The following CACNA1B variants were observed in gnomAD, a reference collection of about 807,000 sequenced individuals.
The protein encoded by CACNA1B is calcium voltage-gated channel subunit alpha1 B.
In CACNA1B, 70 loss-of-function variants were observed where a neutral mutation model predicts 247.2. That is an observed-to-expected ratio of 0.28 (90% CI 0.23 to 0.35). The LOEUF is 0.35. CACNA1B is among the 10% of genes least tolerant of loss of function. CACNA1B has a pLI of 1.00. For synonymous variants in CACNA1B, 1,231 were observed against 1,294.4 expected, an observed-to-expected ratio of 0.95 and a Z score of 1.05; for missense variants, 2,367 against 3,197.4, an observed-to-expected ratio of 0.74 and a Z score of 6.26.
Position 137,880,088 on chromosome 9 carries a change from A to G in CACNA1B, c.390+929A>G, listed in dbSNP as rs1185166723. 6.6e-6 allele frequency among the ~76,000 whole-genome samples: 1 copy of G among 152,210 alleles called. No homozygotes were observed. Among genetic ancestry groups the G allele is most frequent in the African/African-American group, 2.4e-5 (1 of 41,456 alleles). On this transcript the variant is annotated intron_variant, in intron 2 of 46. Coordinates refer to ENST00000371372, the MANE Select transcript of CACNA1B (RefSeq NM_000718.4). This position sits in a 1 kb window ranked among gnomAD's most constrained non-coding sequence, Gnocchi z 4.8. ...CTTAAGCCTGGCTTCCGCCCCCACT[A>G]GCATCCTGAGACAAGAGCTATTCAG...
intron 3 of CACNA1B, among the ~76,000 whole-genome samples, chr9:137,908,380 G>C (rs1430295544): frequency 3.3e-5 from 5 of 151,912 alleles, no homozygotes; most frequent in Admixed American, 3.3e-4. Context: ...GCCAGGTATG[G>C]TGGCGAGTGC....
In CACNA1B at chr9:137,914,911, A is replaced by G. The variant is rs1957393853; in HGVS notation, c.775+105A>G. 11 of 1,269,454 alleles carry G rather than the reference A, an allele frequency of 8.7e-6. No homozygotes were observed. The highest frequency in any genetic ancestry group is 1.1e-5 in the Non-Finnish European group (10 of 928,040). 78.6% of individuals were successfully genotyped at this position (1,269,454 alleles called of 1,614,324 possible). On this transcript the variant is annotated intron_variant, in intron 5 of 46. Transcript: ENST00000371372. The surrounding 1 kb of genome is among the most constrained non-coding windows in gnomAD (Gnocchi z 4.3). ...TAGAGGGGCCTTCTTGGTGCCAGAT[A>G]CATGAGGTGGAGCTGACATTCTAGT...
intron 6 of CACNA1B, among the ~76,000 whole-genome samples, chr9:137,938,067 A>G (rs1268922027): frequency 2.6e-5 from 4 of 152,032 alleles, no homozygotes; most frequent in Non-Finnish European, 4.4e-5. Context: ...AGATTTCCCA[A>G]CAGAAACACT....
Position 137,974,004 on chromosome 9 carries a change from C to T in CACNA1B, c.1544-1903C>T, listed in dbSNP as rs111983604. ...GTGCCAGCAGTCCCATCTCTGGGGC[C>T]TCTCCTCCCTGGGTCCGAGCCCCTC... On this transcript the variant is annotated intron_variant, in intron 11 of 46. Coordinates refer to ENST00000371372, the MANE Select transcript of CACNA1B (RefSeq NM_000718.4). This position sits in a 1 kb window ranked among gnomAD's most constrained non-coding sequence, Gnocchi z 4.5. Among the ~76,000 whole-genome samples, 1 of 152,200 alleles carries T rather than the reference C, an allele frequency of 6.6e-6. No individual in the cohort carries two copies. The highest frequency in any genetic ancestry group is 2.4e-5 in the African/African-American group (1 of 41,438).
intron 15 of CACNA1B, among the ~76,000 whole-genome samples, chr9:138,002,544 CA>C (rs554684903): frequency 0.011 from 1,055 of 97,050 alleles, 4 homozygotes; most frequent in South Asian, 0.025. Flanking sequence ...AGCCCATATC[CA>C]AAAAAAAAAA....
intron 6 of CACNA1B, among the ~76,000 whole-genome samples, chr9:137,936,110 G>C (rs2133311421): frequency 6.6e-6 from 1 of 152,316 alleles, no homozygotes; most frequent in Admixed American, 6.5e-5. Flanking sequence ...GCCCGCCTCG[G>C]CCTCCCAAAG....
At position 137,881,405 on chromosome 9, in the gene CACNA1B, C is replaced by T. The variant is rs769481977; in HGVS notation, c.391-1339C>T. On this transcript the variant is annotated intron_variant, in intron 2 of 46. Transcript: ENST00000371372. This position sits in a 1 kb window ranked among gnomAD's most constrained non-coding sequence, Gnocchi z 4.3. ...ATGCGGAGAGCCCTCGAGAGCCTGG[C>T]TTCCTGGGGAGGAAGGCACAGGCTG... Among the ~76,000 whole-genome samples, 3 of 152,198 alleles carry T rather than the reference C, an allele frequency of 2.0e-5. No individual in the cohort carries two copies. Among genetic ancestry groups the T allele is most frequent in the Non-Finnish European group, 4.4e-5 (3 of 68,024 alleles).
chr9:138,017,897 T>TCAGGTGCCCTGATGGAAGTGGC (rs1958813182), intron 18 of CACNA1B, among the ~76,000 whole-genome samples: 1 of 148,212 alleles, frequency 6.7e-6, no homozygotes, highest in Non-Finnish European at 1.5e-5. Context: ...CCTGAAGTGG[T>TCAGGTGCCCTGATGGAAGTGGC]CAGGTGCAGT....
At chr9:138,081,152 A>G (rs1258926193) in intron 36 of CACNA1B, among the ~76,000 whole-genome samples, 4 of 152,170 alleles carry the variant, frequency 2.6e-5, no homozygotes, top group African/African-American at 4.8e-5. Flanking sequence ...TGACCTTACC[A>G]TGCACCTGGC....
chr9:138,060,891 C>G (rs1021646687), intron 31 of CACNA1B, among the ~76,000 whole-genome samples: 2 of 152,180 alleles, frequency 1.3e-5, no homozygotes, highest in Non-Finnish European at 2.9e-5. Flanking sequence ...TCTAGAGCCC[C>G]TGAGCTGATG....
At chr9:137,995,522 C>CA in intron 15 of CACNA1B, among the ~76,000 whole-genome samples, 1 of 152,274 alleles carries the variant, frequency 6.6e-6, no homozygotes, top group East Asian at 1.9e-4. Context: ...TCACCTTATA[C>CA]AAAAATCAAC....
At position 138,058,196 on chromosome 9, in the gene CACNA1B, C is replaced by A. The variant is rs1334371172; in HGVS notation, c.4254C>A (p.Thr1418=). The A allele has an allele frequency of 6.2e-7, 1 of 1,614,052 alleles. No individual in the cohort carries two copies. Among genetic ancestry groups the A allele is most frequent in the African/African-American group, 1.3e-5 (1 of 75,070 alleles). The stretch of plus-strand genomic sequence containing the variant: ...TCTTTGTGGCTTTGATCATCATCAC[C>A]TTCCAGGAGCAGGGGGACAAGGTGA... ...VNIFVALIII[T]FQEQGDKVMS... The change falls in exon 28 of 47, where the codon ACC becomes ACA. Residue 1418 remains threonine (T), a synonymous_variant. Coordinates refer to ENST00000371372, the MANE Select transcript of CACNA1B (RefSeq NM_000718.4). This position sits in a 1 kb window ranked among gnomAD's most constrained non-coding sequence, Gnocchi z 4.7.
chr9:137,899,915 G>A lies in CACNA1B; in HGVS notation c.531-13265G>A, dbSNP rs1564880535. 6.6e-6 allele frequency among the ~76,000 whole-genome samples: 1 copy of A among 152,140 alleles called. No homozygotes were observed. The highest frequency in any genetic ancestry group is 1.5e-5 in the Non-Finnish European group (1 of 68,006). On this transcript the variant is annotated intron_variant, in intron 3 of 46. Coordinates refer to ENST00000371372, the MANE Select transcript of CACNA1B (RefSeq NM_000718.4). This position sits in a 1 kb window ranked among gnomAD's most constrained non-coding sequence, Gnocchi z 5.0. ...CTGAGGGGCTGGTCCAGGTTGATGG[G>A]GCGTGGGTAGGGCTCTGTGCCACAG...
At chr9:138,003,953 T>C (rs1002731384) in intron 15 of CACNA1B, among the ~76,000 whole-genome samples, 1 of 152,054 alleles carries the variant, frequency 6.6e-6, no homozygotes, top group South Asian at 2.1e-4. Flanking sequence ...GTTTATCAGA[T>C]TGGGAACTGT....
chr9:138,074,108 C>T (rs202164963), intron 34 of CACNA1B, 42 bp downstream of exon 34: 38 of 1,443,768 alleles, frequency 2.6e-5, no homozygotes, highest in African/African-American at 2.0e-4. Context: ...TCCGGCCTCC[C>T]GTGCCCTGGA....
chr9:137,964,331 A>G lies in CACNA1B; in HGVS notation c.1333+6644A>G, dbSNP rs541099135. 3.9e-5 allele frequency among the ~76,000 whole-genome samples: 6 copies of G among 152,310 alleles called. No homozygotes were observed. The South Asian group carries it at 1.2e-3, about 32-fold the overall frequency. On this transcript the variant is annotated intron_variant, in intron 10 of 46. Coordinates refer to ENST00000371372, the MANE Select transcript of CACNA1B (RefSeq NM_000718.4). ...CCTGTCTCTTTAAGTTATCCTAATC[A>G]GTCATAGATTCAGTCTCTTTACATA...
At position 138,121,417 on chromosome 9, in the gene CACNA1B, CTT is replaced by C. The variant is rs35987844; in HGVS notation, c.6490-35_6490-34del. ...TGATGTGCTCTGTCTGTTGGTTCGG[CTT>C]TTTTTTTTTTTTTTTTACCTCTGAT... is the stretch of plus-strand genomic sequence containing the variant. On this transcript the variant is annotated intron_variant, in intron 46 of 46. Coordinates refer to ENST00000371372, the MANE Select transcript of CACNA1B (RefSeq NM_000718.4). The surrounding 1 kb of genome is among the most constrained non-coding windows in gnomAD (Gnocchi z 6.8). 94,817 of 835,672 alleles carry C rather than the reference CTT, an allele frequency of 0.11. 10 individuals carry two copies. The highest frequency in any genetic ancestry group is 0.19 in the Middle Eastern group (648 of 3,436). The allele number at this position is 835,672 out of a possible 1,614,324, so 51.8% of individuals were successfully genotyped here.
chr9:138,117,969 A>G lies in CACNA1B; in HGVS notation c.5801A>G (p.Lys1934Arg). The G allele has an allele frequency of 6.3e-7, 1 of 1,590,104 alleles. No individual in the cohort carries two copies. The highest frequency in any genetic ancestry group is 8.6e-7 in the Non-Finnish European group (1 of 1,165,838). ...AGACAAAACCAAGAGAGTGGCATCA[A>G]AGAGTCTGTCTCCTGGGGCACTCAA... ...GAIQNQESGIKESVSWGTQRT... is the reference protein window; with the variant it reads ...GAIQNQESGIRESVSWGTQRT... Residue 1934 changes from lysine (K) to arginine (R), a missense_variant, in exon 43 of 47, where the codon AAA (lysine) becomes AGA (arginine). This residue lies in a region of CACNA1B where 773 missense variants were observed against 779.4 expected (regional missense o/e 0.99). Transcript: ENST00000371372.
chr9:138,119,579 C>T (rs975063077), intron 44 of CACNA1B, among the ~76,000 whole-genome samples: 3 of 152,184 alleles, frequency 2.0e-5, no homozygotes, highest in African/African-American at 7.2e-5. Context: ...CTTTTCCTCT[C>T]CTCACTGCCT....
Sources: allele counts gnomAD v4.1 joint callset (sites outside exome capture counted in the v4.1 genomes callset), GRCh38; gene constraint gnomAD v4.1.1; regional missense constraint gnomAD v4.1.1; non-coding constraint Gnocchi (gnomAD v3.1); transcripts MANE v1.5; gene names NCBI Gene and HGNC (gene_info 2026-07-23, HGNC 2026-07-21).